The following SLC17A5 variants were observed in gnomAD, a reference collection of about 807,000 sequenced individuals.
The protein encoded by SLC17A5 is solute carrier family 17 member 5.
In SLC17A5, 47 loss-of-function variants were observed where a neutral mutation model predicts 59.4. The observed-to-expected ratio is 0.79, with a 90% CI of 0.63 to 1.01. The LOEUF (loss-of-function observed/expected upper bound fraction) is 1.01. Among genes scored for constraint, SLC17A5 ranks in the 50% least tolerant of loss-of-function variants. The pLI is 0.00. For synonymous variants in SLC17A5, 202 were observed against 210.7 expected, an observed-to-expected ratio of 0.96 and a Z score of 0.36; for missense variants, 522 against 595.5, an observed-to-expected ratio of 0.88 and a Z score of 1.28.
intron 9 of SLC17A5, among the ~76,000 whole-genome samples, chr6:73,601,344 CG>C (rs530869621): frequency 1.2e-3 from 171 of 145,360 alleles, no homozygotes; most frequent in African/African-American, 4.1e-3. Context: ...CCCCTCTGCC[CG>C]GCAGCCACCC....
intron 10 of SLC17A5, among the ~76,000 whole-genome samples, chr6:73,598,651 A>G (rs901816228): frequency 6.6e-6 from 1 of 151,896 alleles, no homozygotes; most frequent in Non-Finnish European, 1.5e-5. Flanking sequence ...AGAAATTACA[A>G]TTGTGAAGGT....
At chr6:73,653,013 G>A (rs1332226465) in intron 1 of SLC17A5, 2 of 977,784 alleles carry the variant, frequency 2.0e-6, no homozygotes, top group Non-Finnish European at 2.4e-6. Context: ...GCTTTATGAC[G>A]TACCTGCTTT....
chr6:73,601,001 C>G (rs553144145), intron 9 of SLC17A5, among the ~76,000 whole-genome samples: 1 of 151,952 alleles, frequency 6.6e-6, no homozygotes, highest in Non-Finnish European at 1.5e-5. Context: ...TGCCTGGCCG[C>G]CCATCGTCTG....
At chr6:73,596,439 T>C (rs1283152411) in intron 10 of SLC17A5, among the ~76,000 whole-genome samples, 2 of 152,234 alleles carry the variant, frequency 1.3e-5, no homozygotes, top group African/African-American at 4.8e-5. Context: ...TGTATAACCC[T>C]GTGGCATAAA....
At chr6:73,645,490 A>G in intron 1 of SLC17A5, 1 of 985,316 alleles carries the variant, frequency 1.0e-6, no homozygotes, top group Non-Finnish European at 1.2e-6. Context: ...TACCACCATG[A>G]TTAAAAAAAA....
Position 73,601,717 on chromosome 6 carries a change from GC to G in SLC17A5, c.1260-1277del, listed in dbSNP as rs1451451265. ...TGGTCAGCCCCCCGCCCGGCCAGCCGCCCCGTCCGGGAGGTGAGGGGCGCCT... is the reference window on the plus strand; with the variant it reads ...TGGTCAGCCCCCCGCCCGGCCAGCCGCCCGTCCGGGAGGTGAGGGGCGCCT... On this transcript the variant is annotated intron_variant, in intron 9 of 10. Coordinates refer to ENST00000355773, the MANE Select transcript of SLC17A5 (RefSeq NM_012434.5). 2.0e-4 allele frequency among the ~76,000 whole-genome samples: 21 copies of G among 104,980 alleles called. 1 individual carries two copies. Among genetic ancestry groups the G allele is most frequent in the Non-Finnish European group, 1.0e-4 (5 of 49,444 alleles). The allele number at this position is 104,980 out of a possible 152,430, so 68.9% of individuals were successfully genotyped here.
chr6:73,624,275 G>A lies in SLC17A5; in HGVS notation c.820-2313C>T, dbSNP rs377185541. ...AAAAATTAGCCGGGTGTGGTGGTGC[G>A]CAGCAGTAATTCCAGCTGGTTAAGA... On this transcript the variant is annotated intron_variant, in intron 6 of 10. Transcript: ENST00000355773. Among the ~76,000 whole-genome samples the A allele has an allele frequency of 5.3e-5, 8 of 152,056 alleles. No homozygotes were observed. The South Asian group carries it at 6.2e-4, about 12-fold the overall frequency.
In SLC17A5 at chr6:73,636,738, C is replaced by T. The variant is rs926614912; in HGVS notation, c.614-31G>A. 6.0e-6 allele frequency: 9 copies of T among 1,496,144 alleles called. No individual in the cohort carries two copies. In the African/African-American group the frequency reaches 1.2e-4, roughly 21 times the overall value. 92.7% of individuals were successfully genotyped at this position (1,496,144 alleles called of 1,614,324 possible). On this transcript the variant is annotated intron_variant, in intron 4 of 10. Coordinates refer to ENST00000355773, the MANE Select transcript of SLC17A5 (RefSeq NM_012434.5). ...ACAACACATAAGACTATTTTATAAACTTTGGAGAGAGAAACAAGGATAGGA... is the reference window on the plus strand; with the variant it reads ...ACAACACATAAGACTATTTTATAAATTTTGGAGAGAGAAACAAGGATAGGA...
intron 9 of SLC17A5, among the ~76,000 whole-genome samples, chr6:73,605,320 C>A (rs1179925999): frequency 6.6e-6 from 1 of 152,196 alleles, no homozygotes; most frequent in Non-Finnish European, 1.5e-5. Flanking sequence ...TCTCATGCTT[C>A]ATTTTTCACC....
At chr6:73,608,628 C>T (rs2150085124) in intron 9 of SLC17A5, among the ~76,000 whole-genome samples, 1 of 152,314 alleles carries the variant, frequency 6.6e-6, no homozygotes, top group South Asian at 2.1e-4. Context: ...CAACTAAAAA[C>T]ATCCTAAGCG....
At chr6:73,627,296 C>T (rs1361737805) in intron 6 of SLC17A5, among the ~76,000 whole-genome samples, 7 of 151,908 alleles carry the variant, frequency 4.6e-5, no homozygotes, top group African/African-American at 1.7e-4. Context: ...AGGATGGTCT[C>T]TATCTGTTGA....
chr6:73,647,796 G>A (rs9293936), intron 1 of SLC17A5, among the ~76,000 whole-genome samples: 3,719 of 152,284 alleles, frequency 0.024, 145 homozygotes, highest in African/African-American at 0.084. Context: ...GGCCAGGCAC[G>A]GTGGCTCACG....
chr6:73,601,841 G>T (rs1767129022), intron 9 of SLC17A5, among the ~76,000 whole-genome samples: 1 of 149,914 alleles, frequency 6.7e-6, no homozygotes, highest in Non-Finnish European at 1.5e-5. Flanking sequence ...TGCCCGGCCA[G>T]CCGCCCCGTC....
intron 6 of SLC17A5, among the ~76,000 whole-genome samples, chr6:73,628,207 C>A (rs1210422228): frequency 6.6e-6 from 1 of 152,180 alleles, no homozygotes; most frequent in African/African-American, 2.4e-5. Flanking sequence ...GCATAAGTCA[C>A]TGCACCTGGT....
intron 1 of SLC17A5, among the ~76,000 whole-genome samples, chr6:73,649,290 G>A (rs748579876): frequency 1.3e-5 from 2 of 152,204 alleles, no homozygotes; most frequent in East Asian, 3.8e-4. Context: ...AAGCCACCAT[G>A]CCTAGACAAT....
intron 9 of SLC17A5, among the ~76,000 whole-genome samples, chr6:73,604,953 A>G (rs1257356586): frequency 6.6e-6 from 1 of 152,198 alleles, no homozygotes; most frequent in African/African-American, 2.4e-5. Context: ...TATCATTTTA[A>G]TTATAAAATC....
At chr6:73,631,614 A>G (rs956189662) in intron 6 of SLC17A5, among the ~76,000 whole-genome samples, 3 of 151,820 alleles carry the variant, frequency 2.0e-5, no homozygotes, top group Non-Finnish European at 2.9e-5. Context: ...TTGTTCAACT[A>G]CAAGTGTGTT....
intron 1 of SLC17A5, among the ~76,000 whole-genome samples, chr6:73,646,663 ATTTT>A (rs1461422182): frequency 1.1e-4 from 16 of 150,792 alleles, no homozygotes; most frequent in Non-Finnish European, 2.1e-4. Flanking sequence ...AAAAAAACAC[ATTTT>A]CTTTTTTCTT....
chr6:73,645,638 A>G (rs1339428251), intron 1 of SLC17A5: 1 of 284,556 alleles, frequency 3.5e-6, no homozygotes, highest in Admixed American at 6.5e-5. Context: ...AATACAAAAA[A>G]TTAGCCGGGC....
Sources: allele counts gnomAD v4.1 joint callset (sites outside exome capture counted in the v4.1 genomes callset), GRCh38; gene constraint gnomAD v4.1.1; transcripts MANE v1.5; gene names NCBI Gene and HGNC (gene_info 2026-07-23, HGNC 2026-07-21).